The following ENOX2 variants were observed in gnomAD, a reference collection of about 807,000 sequenced individuals.
ENOX2 encodes ecto-NOX disulfide-thiol exchanger 2.
A neutral mutation model predicts 45.0 loss-of-function variants in ENOX2; 36 were observed. The ratio of observed to expected loss-of-function variants is 0.80; its 90% CI spans 0.61 to 1.06. The LOEUF (loss-of-function observed/expected upper bound fraction) is 1.06. ENOX2 is among the 50% of genes least tolerant of loss of function. The pLI, the probability that ENOX2 is intolerant of heterozygous loss-of-function variation, is 0.00. For missense variants in ENOX2, 423 were observed against 462.5 expected (o/e 0.91, Z 0.78); for synonymous variants, 174 against 152.3 (o/e 1.14, Z -1.05).
intron 4 of ENOX2, among the ~76,000 whole-genome samples, chrX:130,698,400 G>T (rs2037817190): frequency 9.1e-6 from 1 of 109,695 alleles, no homozygotes; most frequent in African/African-American, 3.3e-5. Context: ...CAGGAGCGTG[G>T]TGGCATGGAG....
intron 4 of ENOX2, among the ~76,000 whole-genome samples, chrX:130,689,418 G>A (rs2037532953): frequency 9.0e-6 from 1 of 111,723 alleles, no homozygotes; most frequent in Non-Finnish European, 1.9e-5. Flanking sequence ...GAGTTTTGGG[G>A]ATCAAGCAGA....
intron 3 of ENOX2, among the ~76,000 whole-genome samples, chrX:130,740,150 C>A (rs1223033496): frequency 4.5e-5 from 5 of 112,181 alleles, no homozygotes; most frequent in African/African-American, 1.6e-4. Flanking sequence ...CGCGTGTAAT[C>A]CCAGCTTTGG....
intron 2 of ENOX2, among the ~76,000 whole-genome samples, chrX:130,881,461 G>A (rs952402146): frequency 1.6e-4 from 18 of 112,455 alleles, no homozygotes; most frequent in Non-Finnish European, 2.4e-4. Flanking sequence ...TTTGCTAAAT[G>A]CAGATCACTC....
chrX:130,901,150 A>C (rs1318012091), intron 2 of ENOX2, among the ~76,000 whole-genome samples: 2 of 112,407 alleles, frequency 1.8e-5, no homozygotes, highest in Non-Finnish European at 3.8e-5. Context: ...CTGACATAGA[A>C]ATTTTAAGTG....
intron 2 of ENOX2, among the ~76,000 whole-genome samples, chrX:130,824,949 C>T (rs1403054230): frequency 9.0e-6 from 1 of 111,022 alleles, no homozygotes; most frequent in Non-Finnish European, 1.9e-5. Context: ...CTTTGGAGAA[C>T]AATTTGGCAA....
chrX:130,789,504 C>T (rs1364525458), intron 2 of ENOX2, among the ~76,000 whole-genome samples: 3 of 111,843 alleles, frequency 2.7e-5, no homozygotes, highest in Non-Finnish European at 5.6e-5. Context: ...CACAATGCCA[C>T]CCTGGATTAG....
intron 3 of ENOX2, among the ~76,000 whole-genome samples, chrX:130,757,930 G>A (rs895982823): frequency 9.0e-6 from 1 of 111,108 alleles, no homozygotes. Context: ...CTGTAGACAT[G>A]AGGTCTTGCT....
At chrX:130,703,625 C>T (rs1296039624) in intron 3 of ENOX2, among the ~76,000 whole-genome samples, 1 of 111,087 alleles carries the variant, frequency 9.0e-6, no homozygotes, top group African/African-American at 3.3e-5. Context: ...ATTACTTCAG[C>T]AGCTTCCATC....
intron 3 of ENOX2, among the ~76,000 whole-genome samples, chrX:130,739,991 A>G (rs1267353084): frequency 8.9e-6 from 1 of 112,310 alleles, no homozygotes; most frequent in East Asian, 2.8e-4. Flanking sequence ...AATGAATTCA[A>G]TTGATCATTA....
At chrX:130,655,275 A>T (rs2036516889) in intron 10 of ENOX2, among the ~76,000 whole-genome samples, 2 of 112,303 alleles carry the variant, frequency 1.8e-5, no homozygotes, top group South Asian at 7.4e-4. Context: ...TAGGGTTCAA[A>T]CATATGGCAA....
chrX:130,766,420 A>C (rs1381356562), intron 3 of ENOX2, among the ~76,000 whole-genome samples: 1 of 112,111 alleles, frequency 8.9e-6, no homozygotes, highest in Non-Finnish European at 1.9e-5. Flanking sequence ...CTCATTCTCT[A>C]ACATGTATTT....
chrX:130,738,837 G>C (rs1334420969), intron 3 of ENOX2, among the ~76,000 whole-genome samples: 1 of 112,205 alleles, frequency 8.9e-6, no homozygotes, highest in Non-Finnish European at 1.9e-5. Flanking sequence ...CAGCAAGCAA[G>C]TACTATCACA....
chrX:130,735,362 T>C lies in ENOX2; in HGVS notation c.-38-32108A>G, dbSNP rs142833582. Among the ~76,000 whole-genome samples, 478 of 112,273 alleles carry C rather than the reference T, an allele frequency of 4.3e-3. 3 individuals carry two copies. Among genetic ancestry groups the C allele is most frequent in the African/African-American group, 0.014 (429 of 30,884 alleles). On this transcript the variant is annotated intron_variant, in intron 3 of 14. Coordinates refer to ENST00000394363, the MANE Select transcript of ENOX2 (RefSeq NM_006375.4). Reference sequence around the variant, plus strand: ...TGTCTTCAGTCATTAATATTTAATGTGACTAGAAGCTTTCACAAAAACCTA... The same window carrying C: ...TGTCTTCAGTCATTAATATTTAATGCGACTAGAAGCTTTCACAAAAACCTA...
intron 3 of ENOX2, among the ~76,000 whole-genome samples, chrX:130,779,806 A>G (rs904994940): frequency 8.0e-5 from 9 of 111,993 alleles, no homozygotes; most frequent in Admixed American, 2.8e-4. Flanking sequence ...CAGGGGAGTT[A>G]TAACTGAGTT....
In ENOX2 at chrX:130,709,771, G is replaced by GT. The variant is rs201175928; in HGVS notation, c.-38-6518dup. Reference sequence around the variant, plus strand: ...GGACTCAGAAAAATGATGAATAATAGTTTTTTTTTTAATACTTTAAGTTCT... The same window carrying GT: ...GGACTCAGAAAAATGATGAATAATAGTTTTTTTTTTTAATACTTTAAGTTCT... On this transcript the variant is annotated intron_variant, in intron 3 of 14. Transcript: ENST00000394363. Among the ~76,000 whole-genome samples, 726 of 106,816 alleles carry GT rather than the reference G, an allele frequency of 6.8e-3. 9 individuals are homozygous for GT. The highest frequency in any genetic ancestry group is 0.022 in the African/African-American group (662 of 29,457). The allele number at this position is 106,816 out of a possible 115,157, so 92.8% of individuals were successfully genotyped here.
chrX:130,861,432 T>C (rs762052803), intron 2 of ENOX2, among the ~76,000 whole-genome samples: 1 of 111,407 alleles, frequency 9.0e-6, no homozygotes, highest in East Asian at 2.8e-4. Context: ...AGAACAATTA[T>C]CTAGTCTTAA....
chrX:130,819,913 C>T (rs1232045531), intron 2 of ENOX2, among the ~76,000 whole-genome samples: 1 of 111,285 alleles, frequency 9.0e-6, no homozygotes, highest in Non-Finnish European at 1.9e-5. Flanking sequence ...TTGGTCTGGG[C>T]AATGATTTTA....
intron 3 of ENOX2, among the ~76,000 whole-genome samples, chrX:130,764,968 A>G (rs2039583137): frequency 8.9e-6 from 1 of 111,848 alleles, no homozygotes; most frequent in Non-Finnish European, 1.9e-5. Flanking sequence ...ATTATTAATT[A>G]TCAGACACAA....
At chrX:130,790,006 C>T (rs1183294904) in intron 2 of ENOX2, among the ~76,000 whole-genome samples, 4 of 112,921 alleles carry the variant, frequency 3.5e-5, no homozygotes, top group Admixed American at 1.9e-4. Context: ...AGCCACAGGG[C>T]TTAGCAGCCA....
Sources: allele counts gnomAD v4.1 joint callset (sites outside exome capture counted in the v4.1 genomes callset), GRCh38; gene constraint gnomAD v4.1.1; transcripts MANE v1.5; gene names NCBI Gene and HGNC (gene_info 2026-07-23, HGNC 2026-07-21).